OTOP1: variants seen among roughly 807,000 people sequenced by gnomAD.
OTOP1 encodes the protein otopetrin 1.
OTOP1 carries 59 observed loss-of-function variants against 52.9 expected under a neutral mutation model. The observed-to-expected ratio is 1.12, with a 90% CI of 0.91 to 1.39. The LOEUF is 1.39. Ranked by LOEUF, OTOP1 falls within the 40% of genes most tolerant of loss-of-function variation. OTOP1 has a pLI of 0.00. For synonymous variants in OTOP1, 317 were observed against 337.7 expected (o/e 0.94, Z 0.67); for missense variants, 761 against 800.9 (o/e 0.95, Z 0.60).
intron 5 of OTOP1, among the ~76,000 whole-genome samples, chr4:4,196,706 C>A (rs867548143): frequency 6.6e-6 from 1 of 152,102 alleles, no homozygotes; most frequent in Non-Finnish European, 1.5e-5. Context: ...CCAGCCTGGG[C>A]AACAGGGCGC....
At chr4:4,209,316 TTA>T (rs967713949) in intron 2 of OTOP1, among the ~76,000 whole-genome samples, 2 of 151,868 alleles carry the variant, frequency 1.3e-5, no homozygotes, top group African/African-American at 4.8e-5. Context: ...TGCCTAATTG[TTA>T]TATATATATA....
chr4:4,206,129 A>G lies in OTOP1; in HGVS notation c.542T>C (p.Val181Ala), dbSNP rs776617165. The change falls in exon 3 of 6, where the codon GTA becomes GCA. Residue 181 changes from valine (V) to alanine (A), a missense_variant and splice_region_variant. By Grantham distance (64) the Val-to-Ala change is moderately conservative. Around this residue, in one of 3 missense-constraint regions of OTOP1, gnomAD observed 632 missense variants for 619.5 expected, o/e 1.02. Coordinates refer to ENST00000296358, the MANE Select transcript of OTOP1 (RefSeq NM_177998.3). ...CTTTGCATGCCCCCAAAGAAAATAT[A>G]CCTAGATGGAAATAAAGAAAGAAAA... The part of the protein sequence containing the change: ...VTHSVHTLLQ[V>A]YFLWGHAKDI... 6.2e-7 allele frequency: 1 copy of G among 1,600,242 alleles called. No homozygotes were observed. Among genetic ancestry groups the G allele is most frequent in the Non-Finnish European group, 8.6e-7 (1 of 1,168,168 alleles).
intron 1 of OTOP1, among the ~76,000 whole-genome samples, chr4:4,226,117 G>A (rs1243461527): frequency 6.6e-6 from 1 of 152,228 alleles, no homozygotes; most frequent in African/African-American, 2.4e-5. Flanking sequence ...GGGGCCGAGT[G>A]CTAGAAGGCT....
intron 1 of OTOP1, among the ~76,000 whole-genome samples, chr4:4,220,812 G>A (rs1717284195): frequency 6.6e-6 from 1 of 152,038 alleles, no homozygotes; most frequent in Admixed American, 6.6e-5. Context: ...TCTTTGTTAG[G>A]CACCCAAATC....
intron 2 of OTOP1, among the ~76,000 whole-genome samples, chr4:4,209,027 T>C (rs1639204029): frequency 6.6e-6 from 1 of 152,192 alleles, no homozygotes. Context: ...ATGCCAGTGC[T>C]GGGCAAGTGT....
intron 1 of OTOP1, among the ~76,000 whole-genome samples, chr4:4,225,255 C>T (rs1322248400): frequency 6.6e-6 from 1 of 152,174 alleles, no homozygotes; most frequent in Non-Finnish European, 1.5e-5. Context: ...TCACCTGCAC[C>T]ATGTCTGTCT....
At position 4,188,980 on chromosome 4, in the gene OTOP1, G is replaced by A. The variant is rs775985932; in HGVS notation, c.1669-7C>T. 2.2e-5 allele frequency: 36 copies of A among 1,609,982 alleles called. No homozygotes were observed. The highest frequency in any genetic ancestry group is 2.7e-5 in the Non-Finnish European group (32 of 1,178,168). ...AGGCGGGAGGTATCCAAAGCTGCAA[G>A]AGAAGAGAAAATGGCATGTGGTGGG... On this transcript the variant is annotated splice_region_variant and splice_polypyrimidine_tract_variant and intron_variant, in intron 5 of 5. Coordinates refer to ENST00000296358, the MANE Select transcript of OTOP1 (RefSeq NM_177998.3).
chr4:4,188,841 C>T lies in OTOP1; in HGVS notation c.1801G>A (p.Ala601Thr), dbSNP rs746228046. ...TAGACCTCAAAGAGGGAGGCAGCTG[C>T]GTGCATTCGATAGAAAATAGAAAAA... is the stretch of plus-strand genomic sequence containing the variant. ...MPFSIFYRMHAAASLFEVYCK... is the reference protein window; with the variant it reads ...MPFSIFYRMHTAASLFEVYCK... The change falls in exon 6 of 6, where the codon GCA becomes ACA. Residue 601 changes from alanine to threonine, a missense_variant. Around this residue, in one of 3 missense-constraint regions of OTOP1, gnomAD observed 632 missense variants for 619.5 expected, o/e 1.02. Coordinates refer to ENST00000296358, the MANE Select transcript of OTOP1 (RefSeq NM_177998.3). 2.9e-5 allele frequency: 46 copies of T among 1,613,676 alleles called. No homozygotes were observed. The highest frequency in any genetic ancestry group is 2.2e-4 in the East Asian group (10 of 44,896).
At chr4:4,197,041 T>A (rs1273709997) in intron 5 of OTOP1, 125 bp downstream of exon 5, 1 of 1,047,130 alleles carries the variant, frequency 9.5e-7, no homozygotes, top group Non-Finnish European at 1.4e-6. Context: ...GATGGGATCA[T>A]TTGTGCACCA....
chr4:4,214,104 A>G (rs1197593973), intron 1 of OTOP1, among the ~76,000 whole-genome samples: 1 of 152,190 alleles, frequency 6.6e-6, no homozygotes, highest in Non-Finnish European at 1.5e-5. Flanking sequence ...AAATCAATCA[A>G]TCAACAATGA....
chr4:4,222,284 C>G (rs563723352), intron 1 of OTOP1, among the ~76,000 whole-genome samples: 89 of 152,206 alleles, frequency 5.8e-4, no homozygotes, highest in African/African-American at 2.0e-3. Flanking sequence ...CTGAAACTAT[C>G]GGGAGAGGCT....
rs1263915001 is a variant in OTOP1, at chr4:4,220,016, TAC to T, written c.403+6444_403+6445del. On this transcript the variant is annotated intron_variant, in intron 1 of 5. Coordinates refer to ENST00000296358, the MANE Select transcript of OTOP1 (RefSeq NM_177998.3). ...AGGTGTATATACATATATATGTATA[TAC>T]ATGTATATACGTATATATGTATACA... 7.3e-5 allele frequency among the ~76,000 whole-genome samples: 9 copies of T among 123,458 alleles called. No homozygotes were observed. The Admixed American group carries it at 7.3e-4, about 10-fold the overall frequency. The allele number at this position is 123,458 out of a possible 152,430, so 81.0% of individuals were successfully genotyped here.
At chr4:4,191,184 C>G (rs1230586661) in intron 5 of OTOP1, among the ~76,000 whole-genome samples, 2 of 152,134 alleles carry the variant, frequency 1.3e-5, no homozygotes, top group African/African-American at 4.8e-5. Flanking sequence ...CCCCTCCCAT[C>G]CAGTCCATCA....
chr4:4,212,557 T>A (rs372103038), intron 2 of OTOP1, among the ~76,000 whole-genome samples: 1 of 152,206 alleles, frequency 6.6e-6, no homozygotes, highest in Admixed American at 6.5e-5. Flanking sequence ...AATAAACCTG[T>A]CACATACCCA....
intron 4 of OTOP1, among the ~76,000 whole-genome samples, chr4:4,200,028 A>G (rs1157672364): frequency 6.6e-6 from 1 of 152,232 alleles, no homozygotes; most frequent in African/African-American, 2.4e-5. Context: ...CGAAGGTTGC[A>G]ATAAAAAAAG....
chr4:4,211,503 G>A (rs894634994), intron 2 of OTOP1, among the ~76,000 whole-genome samples: 8 of 152,202 alleles, frequency 5.3e-5, no homozygotes, highest in Admixed American at 1.3e-4. Context: ...AAATCTGGAG[G>A]ACATTGTGCT....
At chr4:4,224,135 T>C (rs756398211) in intron 1 of OTOP1, among the ~76,000 whole-genome samples, 7 of 151,242 alleles carry the variant, frequency 4.6e-5, no homozygotes, top group Admixed American at 2.0e-4. Flanking sequence ...GATCACGAGG[T>C]CAGGAGTTTG....
At chr4:4,206,748 C>A (rs1317452028) in intron 2 of OTOP1, among the ~76,000 whole-genome samples, 4 of 152,174 alleles carry the variant, frequency 2.6e-5, no homozygotes, top group East Asian at 1.9e-4. Context: ...AGTCAGGGAA[C>A]CTTGCTGAAT....
intron 4 of OTOP1, among the ~76,000 whole-genome samples, chr4:4,200,536 T>A (rs187200032): frequency 1.3e-5 from 2 of 150,794 alleles, no homozygotes; most frequent in Non-Finnish European, 2.9e-5. Context: ...CACAGAACAC[T>A]ATGAAATTTT....
Sources: allele counts gnomAD v4.1 joint callset (sites outside exome capture counted in the v4.1 genomes callset), GRCh38; gene constraint gnomAD v4.1.1; regional missense constraint gnomAD v4.1.1; transcripts MANE v1.5; gene names NCBI Gene and HGNC (gene_info 2026-07-23, HGNC 2026-07-21).